The following SDK2 variants were observed in gnomAD, a reference collection of about 807,000 sequenced individuals.
SDK2 encodes the protein protein sidekick-2.
SDK2 carries 105 observed loss-of-function variants against 253.9 expected under a neutral mutation model. The ratio of observed to expected loss-of-function variants is 0.41; its 90% CI spans 0.35 to 0.49. The LOEUF (loss-of-function observed/expected upper bound fraction) is 0.49, where lower values mean the gene tolerates loss of function less well. Among genes scored for constraint, SDK2 ranks in the 20% least tolerant of loss-of-function variants. SDK2 has a pLI of 0.06. For missense variants in SDK2, 2,608 were observed against 3,003.0 expected (o/e 0.87, Z 3.07); for synonymous variants, 1,249 against 1,234.9 (o/e 1.01, Z -0.24).
chr17:73,365,264 C>T lies in SDK2; in HGVS notation c.5299G>A (p.Val1767Met), dbSNP rs571472628. ...TGCTGGGGGGTCCACTCACCATCCA[C>T]GGGGCTGCAGGGCTCGTACACCAGC... ...YRLVYEPCSP[V>M]DGVSKIVTVD... Residue 1767 changes from valine to methionine, a missense_variant, in exon 38 of 45, where the codon GTG becomes ATG. Transcript: ENST00000392650. 140 of 1,604,218 alleles carry T rather than the reference C, an allele frequency of 8.7e-5. No individual in the cohort carries two copies. The highest frequency in any genetic ancestry group is 2.0e-4 in the African/African-American group (15 of 74,614).
chr17:73,492,981 G>A lies in SDK2; in HGVS notation c.224+14457C>T, dbSNP rs570985077. Among the ~76,000 whole-genome samples, 154 of 152,356 alleles carry A rather than the reference G, an allele frequency of 1.0e-3. 1 individual carries two copies. The highest frequency in any genetic ancestry group is 3.5e-3 in the African/African-American group (147 of 41,592). ...GGCTGAGAGCCAAGGCCGGGCGCAG[G>A]AGGACCTGGGAGGGGGTGGAAAGCG... is the stretch of plus-strand genomic sequence containing the variant. On this transcript the variant is annotated intron_variant, in intron 2 of 44. Transcript: ENST00000392650.
At chr17:73,502,081 A>G (rs1275014264) in intron 2 of SDK2, among the ~76,000 whole-genome samples, 5 of 12,270 alleles carry the variant, frequency 4.1e-4, no homozygotes, top group African/African-American at 2.4e-3. Flanking sequence ...TGTGTAGTGC[A>G]CATACACACA....
In SDK2 at chr17:73,352,297, T is replaced by A. The variant is rs1205809972; in HGVS notation, c.5758+176A>T. 6.6e-6 allele frequency among the ~76,000 whole-genome samples: 1 copy of A among 152,176 alleles called. No individual in the cohort carries two copies. The highest frequency in any genetic ancestry group is 1.5e-5 in the Non-Finnish European group (1 of 68,020). ...CCTAGTTTCCTCTGGTCTTGAGGGC[T>A]GACCCAGGCCTGGGCACCAGCACTT... On this transcript the variant is annotated intron_variant, in intron 41 of 44. Transcript: ENST00000392650. This position sits in a 1 kb window ranked among gnomAD's most constrained non-coding sequence, Gnocchi z 4.1.
At chr17:73,437,405 C>CG (rs1399247592) in intron 8 of SDK2, among the ~76,000 whole-genome samples, 2 of 152,168 alleles carry the variant, frequency 1.3e-5, no homozygotes, top group East Asian at 3.9e-4. Flanking sequence ...GAGATGCACC[C>CG]GGGGGCTGCT....
rs1599688018 is a variant in SDK2, at chr17:73,570,420, C to T, written c.65-62823G>A. Among the ~76,000 whole-genome samples the T allele has an allele frequency of 6.6e-6, 1 of 152,124 alleles. No homozygotes were observed. The highest frequency in any genetic ancestry group is 2.1e-4 in the South Asian group (1 of 4,824). ...ATGTGAGGGTGGGTGAGGTGGCTCC[C>T]ACTGCTGGCTGGGTGAGCAGTTGGT... On this transcript the variant is annotated intron_variant, in intron 1 of 44. Coordinates refer to ENST00000392650, the MANE Select transcript of SDK2 (RefSeq NM_001144952.2). The surrounding 1 kb of genome is among the most constrained non-coding windows in gnomAD (Gnocchi z 4.2).
rs2063519357 is a variant in SDK2 at position 73,455,491 on chromosome 17, C to T, written c.479+415G>A. On this transcript the variant is annotated intron_variant, in intron 4 of 44. Coordinates refer to ENST00000392650, the MANE Select transcript of SDK2 (RefSeq NM_001144952.2). The surrounding 1 kb of genome is among the most constrained non-coding windows in gnomAD (Gnocchi z 5.0). ...CCTCACACACCAGTAAACACCCTGC[C>T]AACGGACGCGCCCAGGGCCTCCCGG... Among the ~76,000 whole-genome samples the T allele has an allele frequency of 6.6e-6, 1 of 152,164 alleles. No individual in the cohort carries two copies.
At chr17:73,466,207 T>C (rs903286151) in intron 3 of SDK2, among the ~76,000 whole-genome samples, 1 of 152,190 alleles carries the variant, frequency 6.6e-6, no homozygotes, top group African/African-American at 2.4e-5. Flanking sequence ...GCTAGGCATG[T>C]ATCTACTTGG....
chr17:73,366,475 C>T (rs927216713), intron 37 of SDK2, among the ~76,000 whole-genome samples: 4 of 152,204 alleles, frequency 2.6e-5, no homozygotes, highest in Non-Finnish European at 5.9e-5. Flanking sequence ...TAATGAGGAA[C>T]TGATGCCACA....
intron 43 of SDK2, among the ~76,000 whole-genome samples, chr17:73,349,239 CTT>C (rs2062513401): frequency 6.6e-6 from 1 of 152,246 alleles, no homozygotes; most frequent in Admixed American, 6.5e-5. Flanking sequence ...TCAAACAGCT[CTT>C]TCTTTGGAAG....
At position 73,618,440 on chromosome 17, in the gene SDK2, G is replaced by A. The variant is rs2046087545; in HGVS notation, c.64+25585C>T. Reference sequence around the variant, plus strand: ...AAGCCCAAGGGCTATGGAGCCACAAGGATTCAAGGAAGCATCACTCCTTTG... The same window carrying A: ...AAGCCCAAGGGCTATGGAGCCACAAAGATTCAAGGAAGCATCACTCCTTTG... On this transcript the variant is annotated intron_variant, in intron 1 of 44. Coordinates refer to ENST00000392650, the MANE Select transcript of SDK2 (RefSeq NM_001144952.2). This position sits in a 1 kb window ranked among gnomAD's most constrained non-coding sequence, Gnocchi z 4.1. Among the ~76,000 whole-genome samples, 1 of 152,236 alleles carries A rather than the reference G, an allele frequency of 6.6e-6. No homozygotes were observed. Among genetic ancestry groups the A allele is most frequent in the South Asian group, 2.1e-4 (1 of 4,834 alleles).
chr17:73,427,060 G>C (rs2063289572), intron 12 of SDK2, among the ~76,000 whole-genome samples: 1 of 152,084 alleles, frequency 6.6e-6, no homozygotes, highest in African/African-American at 2.4e-5. Flanking sequence ...ACTCCAGCCT[G>C]GGTGACAGAG....
At chr17:73,553,254 G>A (rs1276292018) in intron 1 of SDK2, among the ~76,000 whole-genome samples, 1 of 152,220 alleles carries the variant, frequency 6.6e-6, no homozygotes, top group African/African-American at 2.4e-5. Flanking sequence ...GGCCAGTGGT[G>A]GGAGCCCAAG....
At chr17:73,585,423 CG>C (rs1049674070) in intron 1 of SDK2, among the ~76,000 whole-genome samples, 11 of 152,200 alleles carry the variant, frequency 7.2e-5, no homozygotes, top group African/African-American at 2.7e-4. Context: ...AGGAATCCCC[CG>C]GAGGGGGTGT....
chr17:73,388,897 C>T (rs2062901535), intron 29 of SDK2, among the ~76,000 whole-genome samples: 1 of 90,712 alleles, frequency 1.1e-5, no homozygotes, highest in African/African-American at 4.6e-5. Context: ...CTTCTCCCTC[C>T]CTCCCTCCCT....
At chr17:73,547,602 C>T (rs192302277) in intron 1 of SDK2, among the ~76,000 whole-genome samples, 7 of 152,288 alleles carry the variant, frequency 4.6e-5, no homozygotes, top group African/African-American at 1.4e-4. Context: ...GTCTGTACCA[C>T]CCCAGATAGG....
chr17:73,552,083 G>A lies in SDK2; in HGVS notation c.65-44486C>T, dbSNP rs58453907. ...CCCCACCGCCTGCCCCCCACCCCTCGGCCAGCCTGTCCCCCCTGTCTGGGG... is the reference window on the plus strand; with the variant it reads ...CCCCACCGCCTGCCCCCCACCCCTCAGCCAGCCTGTCCCCCCTGTCTGGGG... On this transcript the variant is annotated intron_variant, in intron 1 of 44. Transcript: ENST00000392650. Among the ~76,000 whole-genome samples, 271 of 151,418 alleles carry A rather than the reference G, an allele frequency of 1.8e-3. 11 individuals are homozygous for A. In the East Asian group the frequency reaches 0.049, roughly 27 times the overall value.
rs1341004612 is a variant in SDK2, at chr17:73,361,798, A to C, written c.5353T>G (p.Trp1785Gly). ...TVDVKGNSPL[W>G]LKVKDLAEGV... Reference sequence around the variant, plus strand: ...TCCGCCAGGTCCTTCACCTTCAGCCACAGGGGGCTGTTCCCCTTCACGTCC... The same window carrying C: ...TCCGCCAGGTCCTTCACCTTCAGCCCCAGGGGGCTGTTCCCCTTCACGTCC... Residue 1785 changes from tryptophan (W) to glycine (G), a missense_variant, in exon 39 of 45, where the codon TGG becomes GGG. This residue lies in a region of SDK2 where 1,103 missense variants were observed against 1,143.9 expected (regional missense o/e 0.96). Coordinates refer to ENST00000392650, the MANE Select transcript of SDK2 (RefSeq NM_001144952.2). This position sits in a 1 kb window ranked among gnomAD's most constrained non-coding sequence, Gnocchi z 4.1. The C allele has an allele frequency of 6.2e-7, 1 of 1,608,966 alleles. No individual in the cohort carries two copies. The highest frequency in any genetic ancestry group is 1.7e-5 in the Admixed American group (1 of 59,284).
intron 4 of SDK2, among the ~76,000 whole-genome samples, chr17:73,451,481 G>C (rs2063489499): frequency 6.6e-6 from 1 of 152,222 alleles, no homozygotes; most frequent in Non-Finnish European, 1.5e-5. Context: ...TCCAGCCTGA[G>C]CATCAAGAGC....
Position 73,355,184 on chromosome 17 carries a change from T to TTTTTTTTTTTTC in SDK2, c.5594-2548_5594-2547insGAAAAAAAAAAA, listed in dbSNP as rs1568363079. ...CATATATATATATATATTTTTTTTTTTTTTTTTTTTTAGACGGAGTCTCAC... is the reference window on the plus strand; with the variant it reads ...CATATATATATATATATTTTTTTTTTTTTTTTTTTTTCTTTTTTTTTTTAGACGGAGTCTCAC... On this transcript the variant is annotated intron_variant, in intron 40 of 44. Transcript: ENST00000392650. 1.3e-4 allele frequency among the ~76,000 whole-genome samples: 6 copies of TTTTTTTTTTTTC among 44,770 alleles called. 1 individual carries two copies. Among genetic ancestry groups the TTTTTTTTTTTTC allele is most frequent in the African/African-American group, 1.1e-3 (6 of 5,368 alleles). The allele number at this position is 44,770 out of a possible 152,430, so 29.4% of individuals were successfully genotyped here.
Sources: gnomAD v4.1 joint callset for allele counts (sites outside exome capture counted in the v4.1 genomes callset) on GRCh38, gnomAD v4.1.1 for gene constraint, gnomAD v4.1.1 regional missense constraint, Gnocchi (gnomAD v3.1) non-coding constraint, MANE v1.5 for transcripts, NCBI Gene and HGNC (gene_info 2026-07-23, HGNC 2026-07-21) for gene names.